Variants in CAMSAP2 observed in about 807,000 individuals in gnomAD.
The protein encoded by CAMSAP2 is calmodulin regulated spectrin associated protein family member 2.
Under a neutral mutation model 146.1 loss-of-function variants are expected in CAMSAP2, and 26 were observed. That is an observed-to-expected ratio of 0.18 (90% CI 0.13 to 0.25). The LOEUF (loss-of-function observed/expected upper bound fraction) is 0.25, where lower values mean the gene tolerates loss of function less well. CAMSAP2 is among the 10% of genes least tolerant of loss of function. The pLI is 1.00. For synonymous variants in CAMSAP2, 499 were observed against 596.6 expected, an observed-to-expected ratio of 0.84 and a Z score of 2.38; for missense variants, 1,381 against 1,759.3, an observed-to-expected ratio of 0.78 and a Z score of 3.85.
intron 1 of CAMSAP2, among the ~76,000 whole-genome samples, chr1:200,749,810 T>TG (rs1187913636): frequency 6.6e-6 from 1 of 152,204 alleles, no homozygotes; most frequent in African/African-American, 2.4e-5. Flanking sequence ...TTTCTCTTTA[T>TG]GGGGGGGAAA....
intron 1 of CAMSAP2, among the ~76,000 whole-genome samples, chr1:200,750,573 A>ATGTGTG (rs145051907): frequency 1.9e-4 from 28 of 146,726 alleles, no homozygotes; most frequent in African/African-American, 5.3e-4. Context: ...AAATGCCTGT[A>ATGTGTG]TGTGTGTGTG....
At position 200,741,117 on chromosome 1, in the gene CAMSAP2, TAC is replaced by T. The variant is rs1664160644; in HGVS notation, c.139+1155_139+1156del. Reference sequence around the variant, plus strand: ...TACACAGCTGAGTATTTTCAGGACTTACACATCCTACTTAAATAGCAGATTAA... The same window carrying T: ...TACACAGCTGAGTATTTTCAGGACTTACATCCTACTTAAATAGCAGATTAA... On this transcript the variant is annotated intron_variant, in intron 1 of 16. Coordinates refer to ENST00000358823, the MANE Select transcript of CAMSAP2 (RefSeq NM_203459.4). Among the ~76,000 whole-genome samples the T allele has an allele frequency of 3.3e-5, 5 of 152,338 alleles. No homozygotes were observed. The South Asian group carries it at 1.0e-3, about 32-fold the overall frequency.
At chr1:200,759,024 C>T (rs1245010267) in intron 1 of CAMSAP2, among the ~76,000 whole-genome samples, 1 of 152,170 alleles carries the variant, frequency 6.6e-6, no homozygotes, top group African/African-American at 2.4e-5. Flanking sequence ...GTAAAACTGT[C>T]AGCACCTCCT....
At chr1:200,768,252 A>G (rs1665012424) in intron 2 of CAMSAP2, among the ~76,000 whole-genome samples, 2 of 152,206 alleles carry the variant, frequency 1.3e-5, no homozygotes. Flanking sequence ...ACATAGAGAA[A>G]TGAAGGCTGT....
intron 2 of CAMSAP2, among the ~76,000 whole-genome samples, chr1:200,799,388 G>A (rs1229189819): frequency 6.6e-6 from 1 of 152,092 alleles, no homozygotes; most frequent in Non-Finnish European, 1.5e-5. Context: ...CTTCTTCCTG[G>A]TTTAGTCTTG....
chr1:200,851,358 A>G (rs1667614408), intron 11 of CAMSAP2, among the ~76,000 whole-genome samples: 1 of 151,980 alleles, frequency 6.6e-6, no homozygotes, highest in Non-Finnish European at 1.5e-5. Context: ...GCACCACAAA[A>G]TAAATTTTGT....
intron 1 of CAMSAP2, among the ~76,000 whole-genome samples, chr1:200,758,777 A>G (rs576075221): frequency 3.5e-4 from 53 of 152,200 alleles, no homozygotes; most frequent in African/African-American, 1.2e-3. Flanking sequence ...TGTTTCCCTC[A>G]TAACGTAGGC....
intron 6 of CAMSAP2, among the ~76,000 whole-genome samples, chr1:200,835,022 A>T (rs977783067): frequency 6.6e-6 from 1 of 152,234 alleles, no homozygotes; most frequent in Admixed American, 6.5e-5. Context: ...TGTTAAAAAC[A>T]TGGTGGGAAT....
At position 200,832,769 on chromosome 1, in the gene CAMSAP2, A is replaced by G; in HGVS notation, c.851A>G (p.Glu284Gly). ...DSLYNLQLIQ[E>G]FCQEYLNQCC... ...CTGTATAATCTGCAGCTGATTCAAG[A>G]ATTTTGCCAAGAATACTTGAACCAG... Residue 284 changes from glutamate (E) to glycine (G), a missense_variant, in exon 6 of 17, where the codon GAA becomes GGA. By Grantham distance (98) the Glu-to-Gly change is moderately conservative. Transcript: ENST00000358823. The surrounding 1 kb of genome is among the most constrained non-coding windows in gnomAD (Gnocchi z 4.2). 1 of 1,610,948 alleles carries G rather than the reference A, an allele frequency of 6.2e-7. No homozygotes were observed. The highest frequency in any genetic ancestry group is 8.5e-7 in the Non-Finnish European group (1 of 1,178,082).
chr1:200,830,541 A>G (rs1667015909), intron 4 of CAMSAP2, among the ~76,000 whole-genome samples: 1 of 152,230 alleles, frequency 6.6e-6, no homozygotes, highest in African/African-American at 2.4e-5. Context: ...AACCAAAGAA[A>G]AGCATGTAAG....
Position 200,857,795 on chromosome 1 carries a change from C to T in CAMSAP2, c.4173C>T (p.Phe1391=). ...KSDANNFLIL[F]RDSGCQFRSL... is the part of the protein sequence containing the mutation. ...ATGCCAACAACTTCTTAATCTTGTTCCGGGATTCAGGATGCCAGTTCAGAT... is the reference window on the plus strand; with the variant it reads ...ATGCCAACAACTTCTTAATCTTGTTTCGGGATTCAGGATGCCAGTTCAGAT... Residue 1391 remains phenylalanine, a synonymous_variant, in exon 17 of 17, where the codon TTC becomes TTT. Transcript: ENST00000358823. The surrounding 1 kb of genome is among the most constrained non-coding windows in gnomAD (Gnocchi z 4.7). 1 of 1,607,016 alleles carries T rather than the reference C, an allele frequency of 6.2e-7. No individual in the cohort carries two copies. The highest frequency in any genetic ancestry group is 8.5e-7 in the Non-Finnish European group (1 of 1,177,952).
chr1:200,856,210 C>T, intron 15 of CAMSAP2, 85 bp downstream of exon 15: 3 of 929,306 alleles, frequency 3.2e-6, no homozygotes, highest in African/African-American at 1.6e-5. Context: ...TTTATTGGCT[C>T]ACCTTTGGGT....
chr1:200,835,331 T>C lies in CAMSAP2; in HGVS notation c.927+2486T>C, dbSNP rs140345961. On this transcript the variant is annotated intron_variant, in intron 6 of 16. Transcript: ENST00000358823. The stretch of plus-strand genomic sequence containing the variant: ...TAAAATGGCAAAATTTGGAGATTAT[T>C]ATAACTTTTAGAACATTGCAGGACC... 4.6e-5 allele frequency among the ~76,000 whole-genome samples: 7 copies of C among 152,326 alleles called. No individual in the cohort carries two copies. In the East Asian group the frequency reaches 1.3e-3, roughly 29 times the overall value.
At chr1:200,825,644 C>G (rs1666886317) in intron 4 of CAMSAP2, among the ~76,000 whole-genome samples, 1 of 151,868 alleles carries the variant, frequency 6.6e-6, no homozygotes, top group Non-Finnish European at 1.5e-5. Flanking sequence ...GTAACTGGTA[C>G]TACAGGCGAG....
At chr1:200,817,222 G>GTGTGTGTATATACACACATACACACATA (rs1666614791) in intron 4 of CAMSAP2, among the ~76,000 whole-genome samples, 1 of 70,594 alleles carries the variant, frequency 1.4e-5, no homozygotes, top group Non-Finnish European at 2.6e-5. Context: ...ACACACATAT[G>GTGTGTGTATATACACACATACACACATA]TGTGTGTATA....
At position 200,853,617 on chromosome 1, in the gene CAMSAP2, C is replaced by T. The variant is rs953185618; in HGVS notation, c.3823+122C>T. On this transcript the variant is annotated intron_variant, in intron 13 of 16. Coordinates refer to ENST00000358823, the MANE Select transcript of CAMSAP2 (RefSeq NM_203459.4). This position sits in a 1 kb window ranked among gnomAD's most constrained non-coding sequence, Gnocchi z 5.1. Reference sequence around the variant, plus strand: ...TACACAGTTTGAGATTGTGCATGCTCCCTTTTGGAAAACCAAAATGAGCAA... The same window carrying T: ...TACACAGTTTGAGATTGTGCATGCTTCCTTTTGGAAAACCAAAATGAGCAA... 1.1e-5 allele frequency: 8 copies of T among 743,936 alleles called. No homozygotes were observed. The highest frequency in any genetic ancestry group is 7.4e-4 in the Middle Eastern group (2 of 2,690). The allele number at this position is 743,936 out of a possible 1,614,324, so 46.1% of individuals were successfully genotyped here. A position where few individuals can be genotyped will look rare whatever the true frequency, so the allele number is the denominator to read the frequency against.
chr1:200,842,424 T>C (rs1420363971), intron 7 of CAMSAP2, among the ~76,000 whole-genome samples: 2 of 152,194 alleles, frequency 1.3e-5, no homozygotes, highest in African/African-American at 2.4e-5. Flanking sequence ...CACAAATTAT[T>C]GTTTGGCCTT....
chr1:200,819,746 G>T (rs991170281), intron 4 of CAMSAP2, among the ~76,000 whole-genome samples: 1 of 152,142 alleles, frequency 6.6e-6, no homozygotes. Flanking sequence ...AAAAACAAAA[G>T]GTTGGCAAAA....
At chr1:200,781,249 C>A (rs763599412) in intron 2 of CAMSAP2, among the ~76,000 whole-genome samples, 3 of 152,126 alleles carry the variant, frequency 2.0e-5, no homozygotes, top group Non-Finnish European at 2.9e-5. Flanking sequence ...TGAAGTACGG[C>A]ATATGTGACT....
Sources: allele counts gnomAD v4.1 joint callset (sites outside exome capture counted in the v4.1 genomes callset), GRCh38; gene constraint gnomAD v4.1.1; non-coding constraint Gnocchi (gnomAD v3.1); transcripts MANE v1.5; gene names NCBI Gene and HGNC (gene_info 2026-07-23, HGNC 2026-07-21).